Variants in ANKRD42 observed in about 807,000 individuals in gnomAD.
The protein encoded by ANKRD42 is ankyrin repeat domain-containing protein 42.
Under a neutral mutation model 51.5 loss-of-function variants are expected in ANKRD42, and 43 were observed. That is an observed-to-expected ratio of 0.83 (90% CI 0.65 to 1.08). The LOEUF (loss-of-function observed/expected upper bound fraction) is 1.08, where lower values mean the gene tolerates loss of function less well. ANKRD42 is among the 50% of genes least tolerant of loss of function. The pLI, the probability that ANKRD42 is intolerant of heterozygous loss-of-function variation, is 0.00. For missense variants in ANKRD42, 608 were observed against 629.3 expected (o/e 0.97, Z 0.36); for synonymous variants, 203 against 213.0 (o/e 0.95, Z 0.41).
intron 7 of ANKRD42, among the ~76,000 whole-genome samples, chr11:83,228,953 G>T (rs12274510): frequency 0.053 from 7,794 of 148,456 alleles, 669 homozygotes; most frequent in African/African-American, 0.18. Context: ...GTTTTTTTTT[G>T]TTTTTTTTTT....
intron 5 of ANKRD42, among the ~76,000 whole-genome samples, chr11:83,221,178 T>C (rs1862707767): frequency 6.6e-6 from 1 of 152,202 alleles, no homozygotes; most frequent in South Asian, 2.1e-4. Flanking sequence ...TGAGAGCCTC[T>C]AATGAATTTG....
chr11:83,222,461 A>G (rs1357374985), intron 5 of ANKRD42, among the ~76,000 whole-genome samples: 1 of 152,232 alleles, frequency 6.6e-6, no homozygotes, highest in East Asian at 1.9e-4. Context: ...ATGTGTTTAG[A>G]TAAATGTAAA....
chr11:83,247,752 T>G (rs1471620017), intron 10 of ANKRD42, among the ~76,000 whole-genome samples, 191 bp from the exon 11 acceptor site: 1 of 152,224 alleles, frequency 6.6e-6, no homozygotes, highest in African/African-American at 2.4e-5. Flanking sequence ...ATTTTGGGCC[T>G]TTTGTTCACC....
chr11:83,255,878 A>G (rs1469415214), exon 12 of ANKRD42: 2 of 1,534,768 alleles, frequency 1.3e-6, no homozygotes, highest in Non-Finnish European at 1.7e-6. Context: ...AAACAAAGAG[A>G]AGAGGCGAGT....
chr11:83,200,340 A>G (rs1407121637), intron 2 of ANKRD42, among the ~76,000 whole-genome samples: 1 of 152,104 alleles, frequency 6.6e-6, no homozygotes, highest in Non-Finnish European at 1.5e-5. Context: ...TATCGCTTCT[A>G]CATAATTCAT....
intron 7 of ANKRD42, among the ~76,000 whole-genome samples, chr11:83,234,670 A>T (rs1237527607): frequency 6.6e-5 from 10 of 152,354 alleles, no homozygotes; most frequent in Middle Eastern, 3.4e-3. Flanking sequence ...ATTCAGCATT[A>T]TCCATGCTCA....
chr11:83,205,562 A>G (rs551931231), intron 2 of ANKRD42, among the ~76,000 whole-genome samples: 22 of 152,358 alleles, frequency 1.4e-4, no homozygotes, highest in African/African-American at 5.0e-4. Context: ...TTAAAGATAC[A>G]TTTGACTTCT....
At chr11:83,210,446 A>G in intron 4 of ANKRD42, 27 bp downstream of exon 4, 2 of 1,612,044 alleles carry the variant, frequency 1.2e-6, no homozygotes, top group Non-Finnish European at 1.7e-6. Flanking sequence ...AATATGTGCT[A>G]ATGTGTGATA....
downstream of ANKRD42, among the ~76,000 whole-genome samples, chr11:83,252,848 ATATT>A (rs1345260956): frequency 2.6e-5 from 4 of 151,512 alleles, no homozygotes; most frequent in African/African-American, 7.2e-5. Flanking sequence ...AGTATAATAT[ATATT>A]TAGATATATA....
intron 3 of ANKRD42, 149 bp from the exon 4 acceptor site, chr11:83,210,148 TTTC>T (rs540562432): frequency 2.8e-5 from 18 of 650,170 alleles, no homozygotes; most frequent in African/African-American, 1.9e-5. Context: ...TAGCTGAGAA[TTTC>T]TTATGTTTTG....
At chr11:83,238,832 G>GAA (rs200971761) in intron 8 of ANKRD42, among the ~76,000 whole-genome samples, 3 of 135,762 alleles carry the variant, frequency 2.2e-5, no homozygotes, top group Admixed American at 7.5e-5. Flanking sequence ...CTCTGTCTCC[G>GAA]AAAAAAAAAA....
At chr11:83,216,571 G>A (rs955947916) in intron 5 of ANKRD42, among the ~76,000 whole-genome samples, 5 of 151,670 alleles carry the variant, frequency 3.3e-5, no homozygotes, top group Non-Finnish European at 5.9e-5. Context: ...TGGTCCGCCC[G>A]CCTCGGCCTC....
At chr11:83,224,670 C>T (rs534298623) in intron 5 of ANKRD42, among the ~76,000 whole-genome samples, 185 bp from the exon 6 acceptor site, 1 of 152,158 alleles carries the variant, frequency 6.6e-6, no homozygotes, top group East Asian at 1.9e-4. Context: ...GTACTCCCAG[C>T]TACTTGGGAG....
At chr11:83,233,907 TC>T (rs1343473562) in intron 7 of ANKRD42, among the ~76,000 whole-genome samples, 1 of 152,238 alleles carries the variant, frequency 6.6e-6, no homozygotes, top group Non-Finnish European at 1.5e-5. Flanking sequence ...GTTCTCGAAC[TC>T]TTGACCTCAG....
intron 5 of ANKRD42, among the ~76,000 whole-genome samples, chr11:83,220,203 C>T (rs1487144175): frequency 3.3e-5 from 5 of 152,178 alleles, no homozygotes; most frequent in African/African-American, 9.7e-5. Flanking sequence ...AGAGTTGGAA[C>T]TGGTTCCAGG....
chr11:83,235,061 T>C (rs960233047), intron 7 of ANKRD42, among the ~76,000 whole-genome samples: 1 of 152,212 alleles, frequency 6.6e-6, no homozygotes, highest in Non-Finnish European at 1.5e-5. Flanking sequence ...TGCAAGGTCA[T>C]GTATACATAT....
At chr11:83,241,072 T>G (rs756167597) in intron 9 of ANKRD42, 138 bp downstream of exon 9, 9 of 975,504 alleles carry the variant, frequency 9.2e-6, no homozygotes, top group Non-Finnish European at 1.3e-5. Context: ...GAACTAGAAC[T>G]AATATAAGTT....
In ANKRD42 at chr11:83,255,867, CA is replaced by C; in HGVS notation, c.1490del (p.Asn497ThrfsTer7). Reference sequence around the variant, plus strand: ...TAGGAAGACAGCGCTTCTTGTGAGTCAAACAAAGAGAAGAGGCGAGTAAAAA... The same window carrying C: ...TAGGAAGACAGCGCTTCTTGTGAGTCAACAAAGAGAAGAGGCGAGTAAAAA... On this transcript the variant is annotated frameshift_variant, in exon 12 of 12. Coordinates refer to the ANKRD42 transcript ENST00000260047. LOFTEE classifies it high-confidence loss of function. 1.3e-6 allele frequency: 2 copies of C among 1,532,854 alleles called. No homozygotes were observed. Among genetic ancestry groups the C allele is most frequent in the Non-Finnish European group, 1.7e-6 (2 of 1,145,734 alleles). The allele number at this position is 1,532,854 out of a possible 1,614,324, so 95.0% of individuals were successfully genotyped here. A position where few individuals can be genotyped will look rare whatever the true frequency, so the allele number is the denominator to read the frequency against.
At chr11:83,235,671 C>T (rs1057000108) in intron 7 of ANKRD42, among the ~76,000 whole-genome samples, 5 of 152,178 alleles carry the variant, frequency 3.3e-5, no homozygotes, top group African/African-American at 1.2e-4. Context: ...TCTTTTAAGT[C>T]TATTCAGTTT....
Sources: gnomAD v4.1 joint callset for allele counts (sites outside exome capture counted in the v4.1 genomes callset) on GRCh38, gnomAD v4.1.1 for gene constraint, MANE v1.5 for transcripts, NCBI Gene and HGNC (gene_info 2026-07-23, HGNC 2026-07-21) for gene names.